The following TNFRSF21 variants were observed in gnomAD, a reference collection of about 807,000 sequenced individuals.
The protein encoded by TNFRSF21 is tumor necrosis factor receptor superfamily member 21.
Under a neutral mutation model 45.6 loss-of-function variants are expected in TNFRSF21, and 19 were observed. The observed-to-expected ratio is 0.42, with a 90% CI of 0.29 to 0.61. The LOEUF (loss-of-function observed/expected upper bound fraction) is 0.61. Among genes scored for constraint, TNFRSF21 ranks in the 20% least tolerant of loss-of-function variants. The pLI, the probability that TNFRSF21 is intolerant of heterozygous loss-of-function variation, is 0.23. For synonymous variants in TNFRSF21, 314 were observed against 335.5 expected (o/e 0.94, Z 0.70); for missense variants, 737 against 851.5 (o/e 0.87, Z 1.67).
At chr6:47,237,794 A>T (rs1482358718) in intron 4 of TNFRSF21, among the ~76,000 whole-genome samples, 1 of 152,116 alleles carries the variant, frequency 6.6e-6, no homozygotes, top group Non-Finnish European at 1.5e-5. Context: ...GTTGACCTAT[A>T]ATACTAGCAC....
intron 3 of TNFRSF21, among the ~76,000 whole-genome samples, chr6:47,281,820 C>CCAAATAAATA (rs1561948218): frequency 0.021 from 3,158 of 150,644 alleles, 125 homozygotes; most frequent in African/African-American, 0.074. Context: ...GAATTATGTA[C>CCAAATAAATA]AAATAAAAAG....
At chr6:47,299,139 CA>C (rs1762832104) in intron 1 of TNFRSF21, among the ~76,000 whole-genome samples, 1 of 152,068 alleles carries the variant, frequency 6.6e-6, no homozygotes, top group South Asian at 2.1e-4. Flanking sequence ...ACAGCACCAA[CA>C]AAATGAAAAT....
chr6:47,285,151 G>A (rs1318619998), intron 2 of TNFRSF21, among the ~76,000 whole-genome samples: 4 of 152,178 alleles, frequency 2.6e-5, no homozygotes, highest in Non-Finnish European at 4.4e-5. Context: ...TAAGATGGCT[G>A]TCTTCACAGG....
intron 1 of TNFRSF21, among the ~76,000 whole-genome samples, chr6:47,297,174 T>C (rs1582360034): frequency 6.6e-6 from 1 of 152,198 alleles, no homozygotes. Flanking sequence ...AGGTGTTGTG[T>C]TGAGCCTTGT....
At chr6:47,275,689 C>T (rs1276974491) in intron 3 of TNFRSF21, among the ~76,000 whole-genome samples, 7 of 152,124 alleles carry the variant, frequency 4.6e-5, no homozygotes, top group Non-Finnish European at 8.8e-5. Context: ...CACATTCTCC[C>T]TAAAAGCACA....
intron 4 of TNFRSF21, among the ~76,000 whole-genome samples, chr6:47,247,734 C>T (rs1764843370): frequency 6.6e-6 from 1 of 152,188 alleles, no homozygotes; most frequent in African/African-American, 2.4e-5. Context: ...CAAAGCCATC[C>T]AGGATCCAAC....
At chr6:47,307,619 C>A (rs1762958002) in intron 1 of TNFRSF21, among the ~76,000 whole-genome samples, 1 of 152,142 alleles carries the variant, frequency 6.6e-6, no homozygotes, top group Non-Finnish European at 1.5e-5. Context: ...AGCAATCCTC[C>A]CACCCTGGCC....
intron 1 of TNFRSF21, 61 bp from the exon 2 acceptor site, chr6:47,286,656 G>A (rs1762654421): frequency 6.6e-7 from 1 of 1,515,468 alleles, no homozygotes; most frequent in East Asian, 2.3e-5. Context: ...CATAGGAGCA[G>A]AGCAGAAAAA....
chr6:47,304,769 G>A (rs1762915562), intron 1 of TNFRSF21, among the ~76,000 whole-genome samples: 1 of 152,142 alleles, frequency 6.6e-6, no homozygotes, highest in East Asian at 1.9e-4. Flanking sequence ...TTTTATTGCT[G>A]ATTTGATTTA....
intron 3 of TNFRSF21, among the ~76,000 whole-genome samples, chr6:47,266,256 A>G (rs1229022281): frequency 2.0e-5 from 3 of 152,194 alleles, no homozygotes; most frequent in Non-Finnish European, 4.4e-5. Context: ...AAATTCTCCC[A>G]CATTTGACCA....
intron 1 of TNFRSF21, among the ~76,000 whole-genome samples, chr6:47,297,820 G>A (rs575733359): frequency 6.6e-6 from 1 of 152,172 alleles, no homozygotes; most frequent in African/African-American, 2.4e-5. Context: ...ACCGCACCTG[G>A]CCAAGACAAT....
intron 1 of TNFRSF21, among the ~76,000 whole-genome samples, chr6:47,287,323 A>AT (rs200521653): frequency 7.0e-6 from 1 of 142,270 alleles, no homozygotes; most frequent in East Asian, 2.3e-4. Context: ...AAAAAAAAAA[A>AT]AAAAAAAAAA....
At chr6:47,260,662 C>A (rs1173461939) in intron 3 of TNFRSF21, among the ~76,000 whole-genome samples, 12 of 152,090 alleles carry the variant, frequency 7.9e-5, no homozygotes, top group Admixed American at 7.9e-4. Context: ...CAATGAGAAC[C>A]CATATCAAAG....
Position 47,232,412 on chromosome 6 carries a change from T to G in TNFRSF21, c.*353A>C, listed in dbSNP as rs1214805108. On this transcript the variant is annotated 3_prime_UTR_variant, in exon 6 of 6. Transcript: ENST00000296861. ...AAAGTCACACTGCATTTATGGTAAG[T>G]TAAGTAAATTTAAAGTGCACAGAAT... 2 of 203,640 alleles carry G rather than the reference T, an allele frequency of 9.8e-6. No homozygotes were observed. The highest frequency in any genetic ancestry group is 5.3e-5 in the Admixed American group (1 of 18,852). 12.6% of individuals were successfully genotyped at this position (203,640 alleles called of 1,614,324 possible).
chr6:47,298,808 TAGAA>T (rs1056148537), intron 1 of TNFRSF21, among the ~76,000 whole-genome samples: 1 of 152,200 alleles, frequency 6.6e-6, no homozygotes, highest in African/African-American at 2.4e-5. Context: ...TCTAAAAGTT[TAGAA>T]AGTGCTCCTG....
intron 1 of TNFRSF21, among the ~76,000 whole-genome samples, chr6:47,289,462 C>A (rs1222772752): frequency 6.6e-6 from 1 of 151,932 alleles, no homozygotes; most frequent in Non-Finnish European, 1.5e-5. Context: ...TCGAGACCCT[C>A]CCCCAACAAA....
At chr6:47,279,119 C>A (rs542170112) in intron 3 of TNFRSF21, among the ~76,000 whole-genome samples, 3 of 152,302 alleles carry the variant, frequency 2.0e-5, no homozygotes, top group Admixed American at 1.3e-4. Flanking sequence ...TAAGTACTTT[C>A]AGGGCAATTC....
rs150864611 is a variant in TNFRSF21, at chr6:47,275,505, G to C, written c.1243+8433C>G. 3.3e-3 allele frequency among the ~76,000 whole-genome samples: 502 copies of C among 152,252 alleles called. 2 individuals carry two copies. The highest frequency in any genetic ancestry group is 0.011 in the African/African-American group (469 of 41,518). On this transcript the variant is annotated intron_variant, in intron 3 of 5. Transcript: ENST00000296861. Reference sequence around the variant, plus strand: ...AACATCACCCACCGGGGCCTGTTGGGGGGTGGCGGACTCGGGGAAGGATAG... The same window carrying C: ...AACATCACCCACCGGGGCCTGTTGGCGGGTGGCGGACTCGGGGAAGGATAG...
intron 1 of TNFRSF21, among the ~76,000 whole-genome samples, chr6:47,309,175 A>G (rs1271956052): frequency 1.3e-5 from 2 of 152,176 alleles, no homozygotes; most frequent in South Asian, 2.1e-4. Context: ...GCAAAGCCAG[A>G]CTGCAAGGAA....
Sources: allele counts gnomAD v4.1 joint callset (sites outside exome capture counted in the v4.1 genomes callset), GRCh38; gene constraint gnomAD v4.1.1; transcripts MANE v1.5; gene names NCBI Gene and HGNC (gene_info 2026-07-23, HGNC 2026-07-21).